SWAP70: variants seen among roughly 807,000 people sequenced by gnomAD.
SWAP70 encodes the protein switch-associated protein 70.
Under a neutral mutation model 80.2 loss-of-function variants are expected in SWAP70, and 34 were observed. That is an observed-to-expected ratio of 0.42 (90% CI 0.32 to 0.56). The LOEUF (loss-of-function observed/expected upper bound fraction) is 0.56, where lower values mean the gene tolerates loss of function less well. SWAP70 is among the 20% of genes least tolerant of loss of function. The pLI, the probability that SWAP70 is intolerant of heterozygous loss-of-function variation, is 0.09. For missense variants in SWAP70, 578 were observed against 690.7 expected (o/e 0.84, Z 1.83); for synonymous variants, 239 against 238.5 (o/e 1.00, Z -0.02).
intron 9 of SWAP70, among the ~76,000 whole-genome samples, chr11:9,745,375 A>C (rs1235561897): frequency 6.6e-6 from 1 of 152,200 alleles, no homozygotes; most frequent in Non-Finnish European, 1.5e-5. Context: ...GAAGATATAT[A>C]ATGTGTGGAA....
At position 9,713,468 on chromosome 11, in the gene SWAP70, C is replaced by T; in HGVS notation, c.243C>T (p.Val81=). The change falls in exon 3 of 12, where the codon GTC becomes GTT. Residue 81 remains valine, a splice_region_variant and synonymous_variant. Coordinates refer to ENST00000318950, the MANE Select transcript of SWAP70 (RefSeq NM_015055.4). The stretch of plus-strand genomic sequence containing the variant: ...AGTTTTTCCTTATTCCTTTTTAGGT[C>T]CAAGACAACTTTGACAAGATTGAAT... ...PYLNRFILEK[V]QDNFDKIEFN... 1 of 1,609,606 alleles carries T rather than the reference C, an allele frequency of 6.2e-7. No individual in the cohort carries two copies. The highest frequency in any genetic ancestry group is 8.5e-7 in the Non-Finnish European group (1 of 1,178,478).
Position 9,695,164 on chromosome 11 carries a change from T to C in SWAP70, c.240+878T>C, listed in dbSNP as rs571526383. ...ATTATTTTTAGTACGTGTGGTGGCA[T>C]GCTCCTGTAATCCCAGCTACTCAGG... On this transcript the variant is annotated intron_variant, in intron 2 of 11. Coordinates refer to ENST00000318950, the MANE Select transcript of SWAP70 (RefSeq NM_015055.4). Among the ~76,000 whole-genome samples the C allele has an allele frequency of 5.3e-5, 8 of 152,152 alleles. No homozygotes were observed. The South Asian group carries it at 1.7e-3, about 32-fold the overall frequency.
Position 9,714,843 on chromosome 11 carries a change from G to A in SWAP70, c.414+1204G>A, listed in dbSNP as rs963697992. On this transcript the variant is annotated intron_variant, in intron 3 of 11. Transcript: ENST00000318950. ...TTTTTTTTTTTTGAGACAGAGTTTCGCTCTTATTGCCCAGGCTGTAGTGCA... is the reference window on the plus strand; with the variant it reads ...TTTTTTTTTTTTGAGACAGAGTTTCACTCTTATTGCCCAGGCTGTAGTGCA... Among the ~76,000 whole-genome samples the A allele has an allele frequency of 6.5e-4, 90 of 139,008 alleles. 1 individual carries two copies. The Middle Eastern group carries it at 0.012, about 19-fold the overall frequency. 91.2% of individuals were successfully genotyped at this position (139,008 alleles called of 152,430 possible).
At chr11:9,729,659 T>C (rs923914106) in intron 6 of SWAP70, among the ~76,000 whole-genome samples, 3 of 151,262 alleles carry the variant, frequency 2.0e-5, no homozygotes, top group African/African-American at 7.3e-5. Context: ...GCCCAGCTAA[T>C]GTTTTTGTAA....
In SWAP70 at chr11:9,672,195, C is replaced by A. The variant is rs12574043; in HGVS notation, c.99+7917C>A. Among the ~76,000 whole-genome samples the A allele has an allele frequency of 2.1e-3, 161 of 78,398 alleles. 2 individuals are homozygous for A. The highest frequency in any genetic ancestry group is 3.8e-3 in the South Asian group (9 of 2,386). 51.4% of individuals were successfully genotyped at this position (78,398 alleles called of 152,430 possible). On this transcript the variant is annotated intron_variant, in intron 1 of 11. Transcript: ENST00000318950. Reference sequence around the variant, plus strand: ...TATATATATACATATATGTGTGTGTCTATATATATATATATATATATATAT... The same window carrying A: ...TATATATATACATATATGTGTGTGTATATATATATATATATATATATATAT...
intron 9 of SWAP70, among the ~76,000 whole-genome samples, chr11:9,745,855 T>C (rs1290348405): frequency 6.6e-6 from 1 of 152,156 alleles, no homozygotes; most frequent in Non-Finnish European, 1.5e-5. Flanking sequence ...GCTAAAGCAA[T>C]AAAACAATTT....
intron 1 of SWAP70, among the ~76,000 whole-genome samples, chr11:9,668,202 T>C (rs762842027): frequency 6.6e-6 from 1 of 152,258 alleles, no homozygotes. Context: ...TTTCACACTT[T>C]AAAGCCAATG....
chr11:9,714,720 A>T (rs151245440), intron 3 of SWAP70, among the ~76,000 whole-genome samples: 1 of 151,722 alleles, frequency 6.6e-6, no homozygotes, highest in Non-Finnish European at 1.5e-5. Flanking sequence ...TTCTAAAAGG[A>T]GTGAGGGAGG....
chr11:9,720,645 T>G (rs534901), intron 3 of SWAP70, among the ~76,000 whole-genome samples: 3 of 151,880 alleles, frequency 2.0e-5, no homozygotes, highest in African/African-American at 7.3e-5. Context: ...TGTGCCTGTA[T>G]TCCCTGTACC....
chr11:9,711,349 C>T (rs4910491), intron 2 of SWAP70, among the ~76,000 whole-genome samples: 49,431 of 151,864 alleles, frequency 0.33, 8,256 homozygotes, highest in Non-Finnish European at 0.35. Context: ...ACCTCACTGG[C>T]TTGTCTTTCA....
chr11:9,747,345 C>T (rs999892065), intron 9 of SWAP70, among the ~76,000 whole-genome samples: 3 of 152,230 alleles, frequency 2.0e-5, no homozygotes, highest in Admixed American at 6.5e-5. Context: ...ATTCTGTCTG[C>T]GTTCACTCCT....
At chr11:9,675,935 T>G (rs4997559) in intron 1 of SWAP70, among the ~76,000 whole-genome samples, 99,267 of 151,540 alleles carry the variant, frequency 0.66, 32,830 homozygotes, top group South Asian at 0.83. Flanking sequence ...GATTGTTAAA[T>G]ACAACTGATT....
intron 4 of SWAP70, among the ~76,000 whole-genome samples, chr11:9,725,608 T>C (rs544682556): frequency 2.2e-5 from 3 of 137,584 alleles, no homozygotes; most frequent in East Asian, 4.5e-4. Context: ...AATTTCACGC[T>C]GTCACCAGGC....
At chr11:9,683,160 A>G (rs886269672) in intron 1 of SWAP70, among the ~76,000 whole-genome samples, 12 of 152,050 alleles carry the variant, frequency 7.9e-5, no homozygotes, top group African/African-American at 2.9e-4. Flanking sequence ...AGCACTTGTG[A>G]GGCTGAGGCA....
intron 3 of SWAP70, 53 bp downstream of exon 3, chr11:9,713,692 C>T (rs1358463052): frequency 1.3e-5 from 20 of 1,548,026 alleles, no homozygotes; most frequent in Non-Finnish European, 1.7e-5. Flanking sequence ...TTTAATAGAC[C>T]TGGCTTGGTA....
chr11:9,667,880 T>C (rs1288162961), intron 1 of SWAP70, among the ~76,000 whole-genome samples: 1 of 152,126 alleles, frequency 6.6e-6, no homozygotes, highest in Admixed American at 6.5e-5. Flanking sequence ...ACTTTATTAC[T>C]ATTACTGTTG....
intron 3 of SWAP70, among the ~76,000 whole-genome samples, chr11:9,722,482 T>G (rs1851152054): frequency 6.6e-6 from 1 of 152,218 alleles, no homozygotes; most frequent in African/African-American, 2.4e-5. Flanking sequence ...AGTGTGCAAA[T>G]GGAAGTACTA....
At chr11:9,722,693 A>G (rs1851155253) in intron 3 of SWAP70, among the ~76,000 whole-genome samples, 1 of 152,198 alleles carries the variant, frequency 6.6e-6, no homozygotes, top group Non-Finnish European at 1.5e-5. Context: ...CTAGACAGAG[A>G]AGACAGAGTG....
chr11:9,719,381 A>T (rs1218039179), intron 3 of SWAP70, among the ~76,000 whole-genome samples: 1 of 152,096 alleles, frequency 6.6e-6, no homozygotes, highest in East Asian at 1.9e-4. Flanking sequence ...CTCAAAAAAA[A>T]AGATATAACC....
Sources: allele counts gnomAD v4.1 joint callset (sites outside exome capture counted in the v4.1 genomes callset), GRCh38; gene constraint gnomAD v4.1.1; transcripts MANE v1.5; gene names NCBI Gene and HGNC (gene_info 2026-07-23, HGNC 2026-07-21).